Variants in PTPN13 observed in about 807,000 individuals in gnomAD.
PTPN13 encodes protein tyrosine phosphatase non-receptor type 13.
Under a neutral mutation model 284.0 loss-of-function variants are expected in PTPN13, and 191 were observed. The ratio of observed to expected loss-of-function variants is 0.67; its 90% confidence interval spans 0.60 to 0.76. PTPN13 has a LOEUF of 0.76. Ranked by LOEUF, PTPN13 falls within the 30% of genes least tolerant of loss-of-function variation. PTPN13 has a pLI of 0.00. For synonymous variants in PTPN13, 986 were observed against 1,022.3 expected (o/e 0.96, Z 0.68); for missense variants, 2,797 against 2,939.9 (o/e 0.95, Z 1.12).
chr4:86,787,012 G>C (rs1255822293), intron 40 of PTPN13, among the ~76,000 whole-genome samples: 1 of 151,918 alleles, frequency 6.6e-6, no homozygotes, highest in Non-Finnish European at 1.5e-5. Context: ...GGCTGAGGCA[G>C]GAGAATCACT....
chr4:86,777,652 A>G (rs2149294637), intron 35 of PTPN13, among the ~76,000 whole-genome samples: 1 of 152,340 alleles, frequency 6.6e-6, no homozygotes, highest in African/African-American at 2.4e-5. Flanking sequence ...TAAGTCATAT[A>G]AAGGAAAAAT....
chr4:86,778,352 TA>T (rs1740885699), intron 35 of PTPN13, among the ~76,000 whole-genome samples: 1 of 152,216 alleles, frequency 6.6e-6, no homozygotes, highest in Non-Finnish European at 1.5e-5. Context: ...GAATCAGAGA[TA>T]AAAGACTATT....
At chr4:86,696,564 G>A (rs1218729390) in intron 6 of PTPN13, among the ~76,000 whole-genome samples, 1 of 151,848 alleles carries the variant, frequency 6.6e-6, no homozygotes, top group Non-Finnish European at 1.5e-5. Context: ...ATAATACTAA[G>A]AAAGATTTAG....
chr4:86,681,310 A>G (rs1728872089), intron 3 of PTPN13, among the ~76,000 whole-genome samples: 1 of 152,178 alleles, frequency 6.6e-6, no homozygotes, highest in African/African-American at 2.4e-5. Context: ...AAGGATATAC[A>G]GATTAAATTA....
intron 2 of PTPN13, among the ~76,000 whole-genome samples, chr4:86,648,052 A>G (rs1724637626): frequency 6.6e-6 from 1 of 152,144 alleles, no homozygotes; most frequent in Non-Finnish European, 1.5e-5. Flanking sequence ...TAAAATCTCA[A>G]TGGAGATCTT....
chr4:86,732,795 A>G (rs1735091358), intron 12 of PTPN13, 29 bp downstream of exon 12: 9 of 1,573,282 alleles, frequency 5.7e-6, no homozygotes, highest in South Asian at 1.2e-5. Context: ...TTCAGAGTAC[A>G]GTATAGAAAT....
In PTPN13 at chr4:86,764,654, C is replaced by A. The variant is rs1350997075; in HGVS notation, c.4079C>A (p.Pro1360His). The stretch of plus-strand genomic sequence containing the variant: ...AATTTTAAAACTTTTTCTTCATCAC[C>A]TCCTAAGCCTGGAGATATCTTTGAG... ...KMNFKTFSSS[P>H]PKPGDIFEVE... The change falls in exon 25 of 48, where the codon CCT becomes CAT. Residue 1360 changes from proline (P) to histidine (H), a missense_variant. Transcript: ENST00000411767. The A allele has an allele frequency of 1.9e-6, 3 of 1,599,342 alleles. No individual in the cohort carries two copies. The African/African-American group carries it at 4.0e-5, about 21-fold the overall frequency.
rs185745934 is a variant in PTPN13, at chr4:86,767,691, A to C, written c.4330-126A>C. The C allele has an allele frequency of 7.2e-4, 525 of 733,994 alleles. 8 individuals carry two copies. The Admixed American group carries it at 0.018, about 26-fold the overall frequency. 45.5% of individuals were successfully genotyped at this position (733,994 alleles called of 1,614,324 possible). ...CTCTATTTTTTTTTTCTCCCCCTTC[A>C]TTTGGTGGACCAAATTTGGTAGTTA... On this transcript the variant is annotated intron_variant, in intron 27 of 47. Transcript: ENST00000411767.
chr4:86,646,236 CAT>C (rs1219939702), intron 2 of PTPN13, among the ~76,000 whole-genome samples: 1 of 146,030 alleles, frequency 6.8e-6, no homozygotes, highest in Admixed American at 6.8e-5. Context: ...CTCTTCTAAA[CAT>C]ATTATTAAGA....
At chr4:86,813,255 T>G (rs547513044) in intron 47 of PTPN13, among the ~76,000 whole-genome samples, 10 of 152,310 alleles carry the variant, frequency 6.6e-5, no homozygotes, top group Admixed American at 1.3e-4. Flanking sequence ...CAACTGTGGT[T>G]GTTGTTTTAT....
Position 86,600,432 on chromosome 4 carries a change from C to CTT in PTPN13, c.-6+5668_-6+5669dup, listed in dbSNP as rs10588960. On this transcript the variant is annotated intron_variant, in intron 1 of 47. Coordinates refer to ENST00000411767, the MANE Select transcript of PTPN13 (RefSeq NM_080683.3). ...GGTATTTTTTTTTTTTACATAACCA[C>CTT]TTTTTTTTTTTTTTTTTTTTTTTTT... 2.0e-3 allele frequency among the ~76,000 whole-genome samples: 101 copies of CTT among 50,412 alleles called. 1 individual carries two copies. The highest frequency in any genetic ancestry group is 3.1e-3 in the African/African-American group (43 of 14,050). 33.1% of individuals were successfully genotyped at this position (50,412 alleles called of 152,430 possible).
chr4:86,790,391 G>T (rs1353579917), intron 40 of PTPN13, among the ~76,000 whole-genome samples: 1 of 152,148 alleles, frequency 6.6e-6, no homozygotes, highest in Non-Finnish European at 1.5e-5. Flanking sequence ...GTGTGTGTGG[G>T]CACACAGTGG....
At chr4:86,731,458 T>C (rs1280840208) in intron 10 of PTPN13, among the ~76,000 whole-genome samples, 1 of 152,172 alleles carries the variant, frequency 6.6e-6, no homozygotes. Flanking sequence ...TCCTGAAATA[T>C]TTTCTTGCTG....
At chr4:86,803,137 C>A (rs1307638817) in intron 42 of PTPN13, among the ~76,000 whole-genome samples, 2 of 150,468 alleles carry the variant, frequency 1.3e-5, no homozygotes, top group African/African-American at 4.9e-5. Flanking sequence ...TAGCCAGGTA[C>A]ACACACACAT....
At position 86,728,406 on chromosome 4, in the gene PTPN13, C is replaced by A. The variant is rs541508045; in HGVS notation, c.1609-3994C>A. Among the ~76,000 whole-genome samples the A allele has an allele frequency of 8.1e-5, 12 of 148,878 alleles. No individual in the cohort carries two copies. In the East Asian group the frequency reaches 2.1e-3, roughly 26 times the overall value. ...TGTCTCCTTATCTGTCTAATACTGA[C>A]AATGGAGTGTTAAAGTCTCCCATTA... On this transcript the variant is annotated intron_variant, in intron 10 of 47. Coordinates refer to ENST00000411767, the MANE Select transcript of PTPN13 (RefSeq NM_080683.3).
chr4:86,710,451 A>ATC (rs1413449819), intron 7 of PTPN13, among the ~76,000 whole-genome samples: 1 of 152,218 alleles, frequency 6.6e-6, no homozygotes, highest in Non-Finnish European at 1.5e-5. Flanking sequence ...GCTTAGATTC[A>ATC]TCTTAATGTG....
chr4:86,732,528 A>G (rs2149129804), intron 11 of PTPN13, 54 bp downstream of exon 11: 5 of 1,595,356 alleles, frequency 3.1e-6, no homozygotes, highest in Non-Finnish European at 4.3e-6. Context: ...CAGTAGTGTT[A>G]AAAACCAGTT....
At position 86,771,162 on chromosome 4, in the gene PTPN13, C is replaced by A; in HGVS notation, c.4804-9C>A. The A allele has an allele frequency of 6.3e-7, 1 of 1,596,178 alleles. No homozygotes were observed. The highest frequency in any genetic ancestry group is 8.5e-7 in the Non-Finnish European group (1 of 1,171,014). ...TGGTCACAAATCTCTTTAAATGTGT[C>A]CATTACAGACCCCACTTCAGTCTCC... On this transcript the variant is annotated splice_polypyrimidine_tract_variant and intron_variant, in intron 30 of 47. Coordinates refer to ENST00000411767, the MANE Select transcript of PTPN13 (RefSeq NM_080683.3).
intron 1 of PTPN13, among the ~76,000 whole-genome samples, chr4:86,628,503 A>ATTTT (rs70948795): frequency 2.9e-5 from 4 of 136,770 alleles, no homozygotes; most frequent in African/African-American, 8.0e-5. Flanking sequence ...TTTTTTTTTA[A>ATTTT]TTTTTTTTTT....
Sources: allele counts gnomAD v4.1 joint callset (sites outside exome capture counted in the v4.1 genomes callset), GRCh38; gene constraint gnomAD v4.1.1; transcripts MANE v1.5; gene names NCBI Gene and HGNC (gene_info 2026-07-23, HGNC 2026-07-21).